The following FRMD4A variants were observed in gnomAD, a reference collection of about 807,000 sequenced individuals.
The protein encoded by FRMD4A is FERM domain containing 4A, also known as FERM domain-containing protein 4A.
In FRMD4A, 29 loss-of-function variants were observed where a neutral mutation model predicts 129.1. The observed-to-expected ratio is 0.22, with a 90% CI of 0.17 to 0.31. The LOEUF (loss-of-function observed/expected upper bound fraction) is 0.31, where lower values mean the gene tolerates loss of function less well. FRMD4A is among the 10% of genes least tolerant of loss of function. FRMD4A has a pLI of 1.00. For missense variants in FRMD4A, 1,272 were observed against 1,375.8 expected (o/e 0.92, Z 1.19); for synonymous variants, 634 against 571.6 (o/e 1.11, Z -1.56).
intron 3 of FRMD4A, among the ~76,000 whole-genome samples, chr10:13,850,486 C>G (rs10796141): frequency 0.48 from 73,514 of 152,046 alleles, 17,858 homozygotes; most frequent in East Asian, 0.61. Flanking sequence ...CCGAGACTTA[C>G]GCAGGACGCA....
chr10:14,191,095 A>G (rs1800178569), intron 2 of FRMD4A, among the ~76,000 whole-genome samples: 1 of 152,118 alleles, frequency 6.6e-6, no homozygotes, highest in South Asian at 2.1e-4. Context: ...CTTGTCTTAT[A>G]TGTTAACCTG....
chr10:14,216,948 A>T (rs1843092661), intron 2 of FRMD4A, among the ~76,000 whole-genome samples: 1 of 152,144 alleles, frequency 6.6e-6, no homozygotes, highest in African/African-American at 2.4e-5. Flanking sequence ...TCCGAAATGC[A>T]GTTGAGGATT....
At chr10:14,270,427 C>T (rs777646113) in intron 2 of FRMD4A, among the ~76,000 whole-genome samples, 1 of 152,202 alleles carries the variant, frequency 6.6e-6, no homozygotes, top group Non-Finnish European at 1.5e-5. Flanking sequence ...ATTATCCTAT[C>T]TACCACCATG....
intron 2 of FRMD4A, among the ~76,000 whole-genome samples, chr10:13,999,271 G>A (rs76576546): frequency 0.019 from 2,869 of 152,056 alleles, 88 homozygotes; most frequent in East Asian, 0.13. Flanking sequence ...ACCACTTGAC[G>A]TACTACCAAT....
At chr10:14,146,706 C>T (rs754929092) in intron 2 of FRMD4A, among the ~76,000 whole-genome samples, 8 of 152,174 alleles carry the variant, frequency 5.3e-5, no homozygotes, top group Non-Finnish European at 1.0e-4. Flanking sequence ...TAGTTCTCAG[C>T]TCTTGCTCCA....
chr10:13,669,311 T>C (rs868387497), intron 17 of FRMD4A, among the ~76,000 whole-genome samples: 1 of 152,162 alleles, frequency 6.6e-6, no homozygotes, highest in South Asian at 2.1e-4. Flanking sequence ...ATCTGCGCAC[T>C]CTGGCCTCCC....
At chr10:14,138,741 C>T in intron 2 of FRMD4A, among the ~76,000 whole-genome samples, 1 of 151,180 alleles carries the variant, frequency 6.6e-6, no homozygotes, top group East Asian at 1.9e-4. Flanking sequence ...GCCTGGGCGA[C>T]AGACAGACTC....
intron 2 of FRMD4A, among the ~76,000 whole-genome samples, chr10:14,325,349 C>A (rs750037149): frequency 2.6e-5 from 4 of 152,204 alleles, no homozygotes; most frequent in Non-Finnish European, 5.9e-5. Context: ...CTCCAACTGG[C>A]CTTTCTGATC....
At chr10:14,319,848 C>T (rs753967280) in intron 2 of FRMD4A, among the ~76,000 whole-genome samples, 4 of 152,162 alleles carry the variant, frequency 2.6e-5, no homozygotes, top group Non-Finnish European at 5.9e-5. Flanking sequence ...AGCACCTTCA[C>T]CTCTGTAGTC....
chr10:14,139,515 C>T (rs934805606), intron 2 of FRMD4A, among the ~76,000 whole-genome samples: 1 of 151,952 alleles, frequency 6.6e-6, no homozygotes, highest in Admixed American at 6.6e-5. Flanking sequence ...TGTGGCTCAA[C>T]CATGGCTCTC....
intron 2 of FRMD4A, among the ~76,000 whole-genome samples, chr10:14,219,193 T>G (rs1843170219): frequency 6.6e-6 from 1 of 151,978 alleles, no homozygotes. Flanking sequence ...TCCAGTTTGT[T>G]TTGCACTGTC....
At chr10:13,881,276 A>G (rs1436708662) in intron 2 of FRMD4A, among the ~76,000 whole-genome samples, 36 of 141,598 alleles carry the variant, frequency 2.5e-4, no homozygotes, top group Admixed American at 2.4e-3. Context: ...AAAAAAAATT[A>G]GCTGGGCATG....
chr10:14,002,643 G>C (rs1022999247), intron 2 of FRMD4A, among the ~76,000 whole-genome samples: 1 of 152,164 alleles, frequency 6.6e-6, no homozygotes. Context: ...GCCTGCCATC[G>C]TACGGAGGAT....
At chr10:14,171,006 C>A (rs560052703) in intron 2 of FRMD4A, among the ~76,000 whole-genome samples, 6 of 61,506 alleles carry the variant, frequency 9.8e-5, no homozygotes, top group African/African-American at 3.3e-4. Context: ...ACGCTGAATA[C>A]GAGGGGAGTT....
At chr10:14,229,053 C>A (rs1054206484) in intron 2 of FRMD4A, among the ~76,000 whole-genome samples, 2 of 151,936 alleles carry the variant, frequency 1.3e-5, no homozygotes, top group Non-Finnish European at 2.9e-5. Context: ...TGCTCCCCTT[C>A]AGCAGTGCTA....
At chr10:13,724,249 G>T (rs569708321) in intron 12 of FRMD4A, among the ~76,000 whole-genome samples, 1 of 152,158 alleles carries the variant, frequency 6.6e-6, no homozygotes, top group Non-Finnish European at 1.5e-5. Flanking sequence ...TTAGCTGGGC[G>T]TGGTGGCGGG....
chr10:13,875,473 G>A (rs777438819), intron 2 of FRMD4A, among the ~76,000 whole-genome samples: 27 of 152,138 alleles, frequency 1.8e-4, no homozygotes, highest in Non-Finnish European at 2.8e-4. Flanking sequence ...AAAGAGGTTC[G>A]GATGGTAGCT....
intron 2 of FRMD4A, among the ~76,000 whole-genome samples, chr10:14,183,280 G>A (rs563802650): frequency 1.3e-5 from 2 of 152,146 alleles, no homozygotes; most frequent in Non-Finnish European, 2.9e-5. Context: ...TATCATTAGT[G>A]GTGTCTTGGA....
chr10:14,061,281 G>A (rs926793786), intron 2 of FRMD4A, among the ~76,000 whole-genome samples: 5 of 150,738 alleles, frequency 3.3e-5, no homozygotes, highest in African/African-American at 9.9e-5. Flanking sequence ...GATCAACCCC[G>A]TCTCTACTAA....
Sources: gnomAD v4.1 joint callset for allele counts (sites outside exome capture counted in the v4.1 genomes callset) on GRCh38, gnomAD v4.1.1 for gene constraint, MANE v1.5 for transcripts, NCBI Gene and HGNC (gene_info 2026-07-23, HGNC 2026-07-21) for gene names.